Variants in WDR59 observed in about 807,000 individuals in gnomAD.
WDR59 encodes WD repeat domain 59.
In WDR59, 100 loss-of-function variants were observed where a neutral mutation model predicts 131.2. The ratio of observed to expected loss-of-function variants is 0.76; its 90% CI spans 0.65 to 0.90. The LOEUF (loss-of-function observed/expected upper bound fraction) is 0.90, where lower values mean the gene tolerates loss of function less well. Ranked by LOEUF, WDR59 falls within the 40% of genes least tolerant of loss-of-function variation. WDR59 has a pLI of 0.00. For missense variants in WDR59, 1,203 were observed against 1,262.2 expected, an observed-to-expected ratio of 0.95 and a Z score of 0.71; for synonymous variants, 601 against 466.2, an observed-to-expected ratio of 1.29 and a Z score of -3.72.
intron 25 of WDR59, 151 bp downstream of exon 25, chr16:74,885,501 CT>C: frequency 1.8e-6 from 1 of 549,370 alleles, no homozygotes; most frequent in Non-Finnish European, 2.7e-6. Flanking sequence ...AATGCAAGGG[CT>C]TTTCAGATGC....
chr16:74,942,006 T>C (rs967997226), intron 7 of WDR59, among the ~76,000 whole-genome samples: 4 of 152,114 alleles, frequency 2.6e-5, no homozygotes, highest in African/African-American at 9.7e-5. Context: ...CCAGGTCTCA[T>C]GGCAGTGATG....
chr16:74,981,660 A>ATATT (rs1567451007), intron 1 of WDR59, among the ~76,000 whole-genome samples: 14 of 80,858 alleles, frequency 1.7e-4, no homozygotes, highest in African/African-American at 8.8e-4. Flanking sequence ...ATATATATAT[A>ATATT]TTTTTTTTTT....
intron 16 of WDR59, 98 bp from the exon 17 acceptor site, chr16:74,909,075 C>T (rs1440717224): frequency 9.7e-7 from 1 of 1,025,880 alleles, no homozygotes; most frequent in African/African-American, 1.6e-5. Flanking sequence ...TCTCTGTACA[C>T]CTGAGGGTAA....
chr16:74,969,354 C>A (rs2033893055), intron 1 of WDR59, among the ~76,000 whole-genome samples: 1 of 151,552 alleles, frequency 6.6e-6, no homozygotes, highest in South Asian at 2.1e-4. Context: ...CTCACTGCAA[C>A]CTCCACCTCC....
intron 25 of WDR59, among the ~76,000 whole-genome samples, chr16:74,884,720 A>T (rs1964670946): frequency 6.6e-6 from 1 of 152,084 alleles, no homozygotes; most frequent in South Asian, 2.1e-4. Flanking sequence ...CTCTAATTTG[A>T]TATCACTCTT....
intron 7 of WDR59, among the ~76,000 whole-genome samples, chr16:74,940,950 C>T (rs990713980): frequency 6.6e-6 from 1 of 151,938 alleles, no homozygotes; most frequent in Non-Finnish European, 1.5e-5. Flanking sequence ...GTGATCCACC[C>T]GCCTCAGCCT....
intron 1 of WDR59, among the ~76,000 whole-genome samples, chr16:74,972,039 T>G (rs1018887259): frequency 6.6e-6 from 1 of 152,206 alleles, no homozygotes; most frequent in Non-Finnish European, 1.5e-5. Context: ...TGAAAAGTCC[T>G]CCTCAATTGT....
intron 2 of WDR59, chr16:74,959,394 G>A (rs948606324): frequency 6.8e-5 from 22 of 325,458 alleles, no homozygotes; most frequent in Non-Finnish European, 1.1e-4. Context: ...GATGCCAGTC[G>A]CTCTTTAGCA....
At chr16:74,889,622 C>T in intron 21 of WDR59, 81 bp downstream of exon 21, 1 of 1,101,172 alleles carries the variant, frequency 9.1e-7, no homozygotes, top group Non-Finnish European at 1.4e-6. Context: ...GCACCTTTCT[C>T]TTAGGTGGTG....
intron 9 of WDR59, among the ~76,000 whole-genome samples, chr16:74,922,899 A>G (rs908732533): frequency 6.6e-6 from 1 of 152,166 alleles, no homozygotes; most frequent in Non-Finnish European, 1.5e-5. Flanking sequence ...TTGCTCCACA[A>G]TGCTCCATGG....
intron 8 of WDR59, among the ~76,000 whole-genome samples, chr16:74,933,072 T>C (rs1448475821): frequency 5.3e-5 from 8 of 152,166 alleles, no homozygotes; most frequent in African/African-American, 1.9e-4. Context: ...AAACATTATA[T>C]GGATAGTACA....
chr16:74,938,890 C>T (rs1002254435), intron 7 of WDR59, among the ~76,000 whole-genome samples: 5 of 151,768 alleles, frequency 3.3e-5, no homozygotes, highest in African/African-American at 1.2e-4. Flanking sequence ...CCCATGATCA[C>T]CCAAGAAGAG....
intron 18 of WDR59, among the ~76,000 whole-genome samples, chr16:74,902,963 C>G (rs574040082): frequency 1.3e-5 from 2 of 151,834 alleles, no homozygotes; most frequent in African/African-American, 4.8e-5. Flanking sequence ...AATGGTTTTG[C>G]TCAAGACTGG....
At chr16:74,946,280 G>A (rs2032630410) in intron 6 of WDR59, among the ~76,000 whole-genome samples, 1 of 152,180 alleles carries the variant, frequency 6.6e-6, no homozygotes, top group East Asian at 1.9e-4. Flanking sequence ...ATTATCTGTG[G>A]TTTCAGGCAT....
chr16:74,948,143 T>C (rs2032763534), intron 6 of WDR59, among the ~76,000 whole-genome samples: 1 of 152,086 alleles, frequency 6.6e-6, no homozygotes, highest in African/African-American at 2.4e-5. Context: ...TGAAATAAAA[T>C]TGGATGTATG....
intron 20 of WDR59, among the ~76,000 whole-genome samples, chr16:74,890,394 A>T (rs534688657): frequency 5.3e-5 from 8 of 152,072 alleles, no homozygotes; most frequent in Non-Finnish European, 1.0e-4. Flanking sequence ...CAAGTGATCC[A>T]CCTGCCTCAG....
chr16:74,910,004 G>C (rs1461844156), intron 14 of WDR59, 87 bp from the exon 15 acceptor site: 4 of 1,110,922 alleles, frequency 3.6e-6, no homozygotes, highest in Non-Finnish European at 5.0e-6. Flanking sequence ...GTCTCTCTTT[G>C]TTGCCCAGGC....
intron 2 of WDR59, among the ~76,000 whole-genome samples, chr16:74,962,492 G>A (rs1388862792): frequency 6.6e-6 from 1 of 152,038 alleles, no homozygotes; most frequent in African/African-American, 2.4e-5. Flanking sequence ...CCTTGAAGAG[G>A]TCCTTCACTT....
rs1964068199 is a variant in WDR59, at chr16:74,873,762, C to G, written c.*447G>C. On this transcript the variant is annotated 3_prime_UTR_variant, in exon 26 of 26. Coordinates refer to ENST00000262144, the MANE Select transcript of WDR59 (RefSeq NM_030581.4). ...TCAGTAAATGTACCAGCTTCTAAAGCCATGATGCCATAGGTCCATTTGTTG... is the reference window on the plus strand; with the variant it reads ...TCAGTAAATGTACCAGCTTCTAAAGGCATGATGCCATAGGTCCATTTGTTG... 1 of 161,164 alleles carries G rather than the reference C, an allele frequency of 6.2e-6. No homozygotes were observed. The highest frequency in any genetic ancestry group is 1.8e-4 in the South Asian group (1 of 5,440). The allele number at this position is 161,164 out of a possible 1,614,324, so 10.0% of individuals were successfully genotyped here.
Sources: allele counts gnomAD v4.1 joint callset (sites outside exome capture counted in the v4.1 genomes callset), GRCh38; gene constraint gnomAD v4.1.1; transcripts MANE v1.5; gene names NCBI Gene and HGNC (gene_info 2026-07-23, HGNC 2026-07-21).